Variants in GALNT5 observed in about 807,000 individuals in gnomAD.
GALNT5 encodes polypeptide N-acetylgalactosaminyltransferase 5, also known as UDP-GalNAc:polypeptide N-acetylgalactosaminyltransferase 5.
In GALNT5, 72 loss-of-function variants were observed where a neutral mutation model predicts 85.4. The observed-to-expected ratio is 0.84, with a 90% CI of 0.70 to 1.03. The LOEUF is 1.03. Among genes scored for constraint, GALNT5 ranks in the 50% least tolerant of loss-of-function variants. The pLI is 0.00. For synonymous variants in GALNT5, 404 were observed against 397.0 expected (o/e 1.02, Z -0.21); for missense variants, 1,137 against 1,135.5 (o/e 1.00, Z -0.02).
At position 157,284,433 on chromosome 2, in the gene GALNT5, G is replaced by A. The variant is rs1682927246; in HGVS notation, c.1606G>A (p.Asp536Asn). 2.5e-6 allele frequency: 4 copies of A among 1,613,572 alleles called. No individual in the cohort carries two copies. Among genetic ancestry groups the A allele is most frequent in the Non-Finnish European group, 2.5e-6 (3 of 1,179,720 alleles). ...CATCAAGGAGATTCTGCTGGTAGAT[G>A]ACTTCAGCACCAAAGGTAAGAAAAC... ...HLIKEILLVDDFSTKDYLKDN... is the reference protein window; with the variant it reads ...HLIKEILLVDNFSTKDYLKDN... Residue 536 changes from aspartate to asparagine, a missense_variant, in exon 2 of 10, where the codon GAC (aspartate) becomes AAC (asparagine). By Grantham distance (23) the Asp-to-Asn change is conservative. Transcript: ENST00000259056.
intron 1 of GALNT5, among the ~76,000 whole-genome samples, chr2:157,273,163 G>T (rs1682629459): frequency 1.3e-5 from 2 of 152,086 alleles, no homozygotes; most frequent in Admixed American, 1.3e-4. Context: ...GGAAACTTTA[G>T]TCTCATCACT....
chr2:157,292,105 A>G (rs1462878743), intron 3 of GALNT5, among the ~76,000 whole-genome samples: 1 of 152,244 alleles, frequency 6.6e-6, no homozygotes, highest in Non-Finnish European at 1.5e-5. Context: ...GATATCAGGT[A>G]GCTCTTAGAA....
At position 157,258,131 on chromosome 2, in the gene GALNT5, T is replaced by A; in HGVS notation, c.49T>A (p.Phe17Ile). ...FFRGSGRVLA[F>I]IFVASVIWLL... ...CCGAGGAAGTGGGCGAGTCTTGGCATTTATCTTTGTAGCTTCTGTCATCTG... is the reference window on the plus strand; with the variant it reads ...CCGAGGAAGTGGGCGAGTCTTGGCAATTATCTTTGTAGCTTCTGTCATCTG... Residue 17 changes from phenylalanine to isoleucine, a missense_variant, in exon 1 of 10, where the codon TTT becomes ATT. By Grantham distance (21) the Phe-to-Ile change is conservative (BLOSUM62 0). Coordinates refer to ENST00000259056, the MANE Select transcript of GALNT5 (RefSeq NM_014568.3). The A allele has an allele frequency of 6.8e-6, 11 of 1,614,124 alleles. No homozygotes were observed. Among genetic ancestry groups the A allele is most frequent in the Non-Finnish European group, 9.3e-6 (11 of 1,179,998 alleles).
Position 157,258,847 on chromosome 2 carries a change from A to C in GALNT5, c.765A>C (p.Leu255Phe). ...CGAAGTCTGGGGAAGCCATGGCCTT[A>C]AACAAAACTAAGACTCAGAGCAAAG... ...AVPKSGEAMA[L>F]NKTKTQSKEV... The change falls in exon 1 of 10, where the codon TTA (leucine) becomes TTC (phenylalanine). Residue 255 changes from leucine (L) to phenylalanine (F), a missense_variant. Coordinates refer to ENST00000259056, the MANE Select transcript of GALNT5 (RefSeq NM_014568.3). 6.3e-7 allele frequency: 1 copy of C among 1,578,104 alleles called. No individual in the cohort carries two copies. The highest frequency in any genetic ancestry group is 8.6e-7 in the Non-Finnish European group (1 of 1,161,986).
chr2:157,280,384 C>G (rs965293441), intron 1 of GALNT5, among the ~76,000 whole-genome samples: 4 of 152,036 alleles, frequency 2.6e-5, no homozygotes, highest in African/African-American at 7.2e-5. Context: ...GATGTGAAGA[C>G]AGAGAGAGAG....
chr2:157,300,888 C>A lies in GALNT5; in HGVS notation c.2328C>A (p.Asn776Lys). Residue 776 changes from asparagine to lysine, a missense_variant, in exon 7 of 10, where the codon AAC becomes AAA. Transcript: ENST00000259056. The part of the protein sequence containing the change: ...HLIDQGLDVG[N>K]LTQQRELRKK... The stretch of plus-strand genomic sequence containing the variant: ...TCGACCAAGGGCTAGATGTTGGCAA[C>A]CTCACCCAGCAAAGGGAGCTGCGAA... The A allele has an allele frequency of 6.2e-7, 1 of 1,613,858 alleles. No homozygotes were observed. The highest frequency in any genetic ancestry group is 8.5e-7 in the Non-Finnish European group (1 of 1,179,796).
At chr2:157,308,903 CT>C (rs11385009) in intron 9 of GALNT5, among the ~76,000 whole-genome samples, 175 bp downstream of exon 9, 3 of 149,714 alleles carry the variant, frequency 2.0e-5, no homozygotes, top group African/African-American at 7.3e-5. Context: ...TTGACAAGTC[CT>C]TTTTTTTTTA....
rs558392372 is a variant in GALNT5, at chr2:157,308,746, A to G, written c.2682+18A>G. The G allele has an allele frequency of 1.3e-6, 2 of 1,590,890 alleles. No individual in the cohort carries two copies. Among genetic ancestry groups the G allele is most frequent in the Non-Finnish European group, 1.7e-6 (2 of 1,167,772 alleles). ...CAGAACTGGTAAGCAAAAGATTGGT[A>G]CCTCTTCTTTACCACAAATTTGACT... On this transcript the variant is annotated intron_variant, in intron 9 of 9. Transcript: ENST00000259056.
chr2:157,299,189 C>G (rs1201213815), intron 5 of GALNT5: 1 of 156,432 alleles, frequency 6.4e-6, no homozygotes, highest in Non-Finnish European at 1.4e-5. Context: ...ATTGCACACA[C>G]AAGATTTTTT....
chr2:157,296,431 G>C lies in GALNT5; in HGVS notation c.1915G>C (p.Val639Leu). 1 of 1,610,088 alleles carries C rather than the reference G, an allele frequency of 6.2e-7. No homozygotes were observed. The highest frequency in any genetic ancestry group is 1.3e-5 in the African/African-American group (1 of 74,964). The change falls in exon 5 of 10, where the codon GTG becomes CTG. Residue 639 changes from valine (V) to leucine (L), a missense_variant. Coordinates refer to ENST00000259056, the MANE Select transcript of GALNT5 (RefSeq NM_014568.3). ...GGATAACTTTCAAAGAGGCATCTTTGTGTGGCCCATGAACTTTGGTTGGAG... is the reference window on the plus strand; with the variant it reads ...GGATAACTTTCAAAGAGGCATCTTTCTGTGGCCCATGAACTTTGGTTGGAG... ...TVDNFQRGIF[V>L]WPMNFGWRTI...
At chr2:157,310,191 T>A (rs923936456) in intron 9 of GALNT5, among the ~76,000 whole-genome samples, 7 of 152,210 alleles carry the variant, frequency 4.6e-5, no homozygotes, top group African/African-American at 1.7e-4. Context: ...CCCTACCTTG[T>A]TTGTACCTAT....
At chr2:157,271,580 T>C (rs570709725) in intron 1 of GALNT5, among the ~76,000 whole-genome samples, 23 of 152,254 alleles carry the variant, frequency 1.5e-4, no homozygotes, top group Admixed American at 1.4e-3. Context: ...AGAATAGAAG[T>C]TGATGGATTG....
chr2:157,288,536 T>C lies in GALNT5; in HGVS notation c.1741+2402T>C, dbSNP rs542744141. 2.0e-5 allele frequency among the ~76,000 whole-genome samples: 3 copies of C among 152,292 alleles called. No homozygotes were observed. The South Asian group carries it at 6.2e-4, about 32-fold the overall frequency. ...AGAAATGAGCTTGGCATATTCAAGG[T>C]AAAGAAATAAGTTCATTTTGACTCA... On this transcript the variant is annotated intron_variant, in intron 3 of 9. Coordinates refer to ENST00000259056, the MANE Select transcript of GALNT5 (RefSeq NM_014568.3).
intron 3 of GALNT5, among the ~76,000 whole-genome samples, chr2:157,292,264 C>T (rs187144159): frequency 8.7e-4 from 133 of 152,292 alleles, no homozygotes; most frequent in Non-Finnish European, 1.3e-3. Context: ...AGGAACAGTG[C>T]GTACAATGTC....
intron 5 of GALNT5, among the ~76,000 whole-genome samples, 176 bp downstream of exon 5, chr2:157,296,689 A>T (rs1455255342): frequency 6.6e-6 from 1 of 152,204 alleles, no homozygotes; most frequent in Admixed American, 6.5e-5. Context: ...CCCAAAACTC[A>T]TTCTTCACTG....
intron 1 of GALNT5, among the ~76,000 whole-genome samples, chr2:157,268,886 T>A (rs1405613214): frequency 6.6e-6 from 1 of 152,210 alleles, no homozygotes; most frequent in Admixed American, 6.5e-5. Context: ...ATATAGAATA[T>A]AAATGTGATT....
intron 3 of GALNT5, among the ~76,000 whole-genome samples, chr2:157,286,893 AGTGTGTGTGTGTGTGTGTGTGTGT>A (rs3072178): frequency 3.7e-5 from 5 of 135,824 alleles, no homozygotes; most frequent in South Asian, 2.5e-4. Context: ...TTTAAATACC[AGTGTGTGTGTGTGTGTGTGTGTGT>A]GTGTGTGTGT....
At position 157,296,404 on chromosome 2, in the gene GALNT5, G is replaced by A. The variant is rs184668487; in HGVS notation, c.1888G>A (p.Val630Met). ...INDKDMSYMT[V>M]DNFQRGIFVW... ...CATTTCCTGGATTAGTTACATGACA[G>A]TGGATAACTTTCAAAGAGGCATCTT... is the stretch of plus-strand genomic sequence containing the variant. The change falls in exon 5 of 10, where the codon GTG becomes ATG. Residue 630 changes from valine (V) to methionine (M), a missense_variant. Physicochemically the swap from Val to Met is conservative, Grantham distance 21 (BLOSUM62 1). Coordinates refer to ENST00000259056, the MANE Select transcript of GALNT5 (RefSeq NM_014568.3). 28 of 1,609,402 alleles carry A rather than the reference G, an allele frequency of 1.7e-5. No homozygotes were observed. The Admixed American group carries it at 1.8e-4, about 11-fold the overall frequency.
rs555155466 is a variant in GALNT5 at position 157,274,271 on chromosome 2, G to A, written c.1455-10011G>A. ...AGTCTTTACAATCATTAATAGTGCC[G>A]CAATAAACAAACGTGTACATGTGTC... On this transcript the variant is annotated intron_variant, in intron 1 of 9. Transcript: ENST00000259056. Among the ~76,000 whole-genome samples, 22 of 152,218 alleles carry A rather than the reference G, an allele frequency of 1.4e-4. No homozygotes were observed. In the East Asian group the frequency reaches 2.5e-3, roughly 17 times the overall value.
Sources: allele counts gnomAD v4.1 joint callset (sites outside exome capture counted in the v4.1 genomes callset), GRCh38; gene constraint gnomAD v4.1.1; transcripts MANE v1.5; gene names NCBI Gene and HGNC (gene_info 2026-07-23, HGNC 2026-07-21).